GRIK2: variants seen among roughly 807,000 people sequenced by gnomAD.
GRIK2 encodes glutamate ionotropic receptor kainate type subunit 2.
In GRIK2, 32 loss-of-function variants were observed where a neutral mutation model predicts 100.3. The observed-to-expected ratio is 0.32, with a 90% CI of 0.24 to 0.43. The LOEUF (loss-of-function observed/expected upper bound fraction) is 0.43. Ranked by LOEUF, GRIK2 falls within the 20% of genes least tolerant of loss-of-function variation. The pLI, the probability that GRIK2 is intolerant of heterozygous loss-of-function variation, is 1.00. For missense variants in GRIK2, 843 were observed against 1,114.9 expected (o/e 0.76, Z 3.47); for synonymous variants, 417 against 389.4 (o/e 1.07, Z -0.83).
In GRIK2 at chr6:102,002,313, T is replaced by C. The variant is rs573745440; in HGVS notation, c.2086-33028T>C. On this transcript the variant is annotated intron_variant, in intron 14 of 16. Transcript: ENST00000369134. ...ATATGTGTGTGTGTGTGTATATATA[T>C]ACATACTATATATATTATATATGTA... 9.4e-5 allele frequency among the ~76,000 whole-genome samples: 14 copies of C among 148,174 alleles called. 1 individual carries two copies. The highest frequency in any genetic ancestry group is 8.9e-4 in the Admixed American group (13 of 14,656).
chr6:101,849,845 A>C (rs1448391668), intron 10 of GRIK2, among the ~76,000 whole-genome samples: 1 of 39,156 alleles, frequency 2.6e-5, no homozygotes, highest in Non-Finnish European at 4.5e-5. Flanking sequence ...TTTTTGGTCA[A>C]CCCTATGTTC....
intron 11 of GRIK2, among the ~76,000 whole-genome samples, chr6:101,882,164 C>A (rs770102656): frequency 7.2e-5 from 11 of 151,956 alleles, no homozygotes; most frequent in Non-Finnish European, 1.6e-4. Flanking sequence ...TCCACTGGGT[C>A]CCTCCCACAA....
In GRIK2 at chr6:101,487,186, A is replaced by C. The variant is rs896485413; in HGVS notation, c.115+87794A>C. ...GTAATGCTTTAGTATATTAATCATA[A>C]TCATGTAACATTTATTGTTTAATAA... On this transcript the variant is annotated intron_variant, in intron 2 of 16. Transcript: ENST00000369134. Among the ~76,000 whole-genome samples, 7 of 146,570 alleles carry C rather than the reference A, an allele frequency of 4.8e-5. 1 individual carries two copies. The highest frequency in any genetic ancestry group is 1.8e-4 in the African/African-American group (7 of 38,384).
intron 14 of GRIK2, among the ~76,000 whole-genome samples, chr6:102,005,022 C>A (rs1035172819): frequency 4.6e-5 from 7 of 151,664 alleles, no homozygotes; most frequent in Non-Finnish European, 1.0e-4. Flanking sequence ...ATACTCTTGT[C>A]AAGAAATAGC....
Position 101,648,784 on chromosome 6 carries a change from G to T in GRIK2, c.541+22147G>T, listed in dbSNP as rs1418471129. 3.9e-5 allele frequency among the ~76,000 whole-genome samples: 6 copies of T among 151,968 alleles called. No homozygotes were observed. In the South Asian group the frequency reaches 1.2e-3, roughly 32 times the overall value. ...ATATGTATTAGTCTGTTCTCATACT[G>T]CTAATAAAAAGATACCTGAGATTGG... On this transcript the variant is annotated intron_variant, in intron 4 of 16. Coordinates refer to ENST00000369134, the MANE Select transcript of GRIK2 (RefSeq NM_021956.5).
chr6:101,678,655 T>A (rs892009227), intron 5 of GRIK2, among the ~76,000 whole-genome samples: 2 of 152,276 alleles, frequency 1.3e-5, no homozygotes, highest in Non-Finnish European at 2.9e-5. Context: ...TTTTGTGATT[T>A]GTGAAATTTT....
chr6:101,414,962 GTA>G (rs748499225), intron 2 of GRIK2, among the ~76,000 whole-genome samples: 5 of 144,532 alleles, frequency 3.5e-5, no homozygotes, highest in Admixed American at 6.7e-5. Flanking sequence ...GTGTGTGTGT[GTA>G]TGTGTGTGTG....
chr6:101,706,350 G>C (rs1773297172), intron 7 of GRIK2, among the ~76,000 whole-genome samples: 1 of 151,784 alleles, frequency 6.6e-6, no homozygotes, highest in Non-Finnish European at 1.5e-5. Context: ...TATGTCTGTT[G>C]ACATATTTGT....
At chr6:101,935,847 T>C (rs1005923384) in intron 14 of GRIK2, among the ~76,000 whole-genome samples, 1 of 152,008 alleles carries the variant, frequency 6.6e-6, no homozygotes, top group Non-Finnish European at 1.5e-5. Context: ...CAATATTCCT[T>C]TGCAGATCTA....
chr6:101,876,511 A>T (rs1289906989), intron 11 of GRIK2, among the ~76,000 whole-genome samples: 1 of 151,838 alleles, frequency 6.6e-6, no homozygotes, highest in East Asian at 1.9e-4. Context: ...ACACACACAC[A>T]CACACACAAA....
At chr6:101,431,645 C>G (rs983842802) in intron 2 of GRIK2, 7 of 152,084 alleles carry the variant, frequency 4.6e-5, no homozygotes, top group African/African-American at 1.7e-4. Context: ...GAATGTGTGA[C>G]CAAAACAAAG....
intron 2 of GRIK2, among the ~76,000 whole-genome samples, chr6:101,598,135 A>C (rs942914197): frequency 1.3e-5 from 2 of 151,714 alleles, no homozygotes; most frequent in African/African-American, 4.8e-5. Flanking sequence ...AGTCATTTGG[A>C]TAATGCTCTC....
intron 2 of GRIK2, among the ~76,000 whole-genome samples, chr6:101,586,457 A>G (rs1778368872): frequency 6.6e-6 from 1 of 152,256 alleles, no homozygotes; most frequent in Non-Finnish European, 1.5e-5. Flanking sequence ...GAAGGGCCAA[A>G]TCCAAAACTG....
intron 10 of GRIK2, among the ~76,000 whole-genome samples, chr6:101,858,627 G>A (rs1784571686): frequency 6.6e-6 from 1 of 151,832 alleles, no homozygotes; most frequent in East Asian, 1.9e-4. Flanking sequence ...CTGACCTCGT[G>A]ATCTGCCCGC....
At chr6:101,869,190 T>C (rs1463554968) in intron 11 of GRIK2, among the ~76,000 whole-genome samples, 1 of 151,894 alleles carries the variant, frequency 6.6e-6, no homozygotes, top group Non-Finnish European at 1.5e-5. Context: ...CTTGGTCAGG[T>C]TTATTTAAAT....
At chr6:101,505,048 T>G (rs193095966) in intron 2 of GRIK2, among the ~76,000 whole-genome samples, 11 of 130,934 alleles carry the variant, frequency 8.4e-5, no homozygotes, top group Admixed American at 8.0e-4. Flanking sequence ...TACTTGTCAT[T>G]AAGTTTTTTT....
intron 2 of GRIK2, among the ~76,000 whole-genome samples, chr6:101,562,219 T>C (rs1343374679): frequency 6.8e-6 from 1 of 148,042 alleles, no homozygotes; most frequent in Non-Finnish European, 1.5e-5. Context: ...TATCATTCCC[T>C]AAAAAAAAAA....
chr6:101,892,571 T>A (rs541292825), intron 12 of GRIK2, among the ~76,000 whole-genome samples: 53 of 151,990 alleles, frequency 3.5e-4, no homozygotes, highest in Non-Finnish European at 6.2e-4. Flanking sequence ...TACTGTTATA[T>A]TTTGTCATAG....
chr6:101,682,960 T>G (rs757746872), intron 6 of GRIK2, among the ~76,000 whole-genome samples: 1 of 152,118 alleles, frequency 6.6e-6, no homozygotes, highest in Non-Finnish European at 1.5e-5. Context: ...TCCCAGCACT[T>G]TGGTAGGCCG....
Sources: gnomAD v4.1 joint callset for allele counts (sites outside exome capture counted in the v4.1 genomes callset) on GRCh38, gnomAD v4.1.1 for gene constraint, MANE v1.5 for transcripts, NCBI Gene and HGNC (gene_info 2026-07-23, HGNC 2026-07-21) for gene names.